The following ASTN1 variants were observed in gnomAD, a reference collection of about 807,000 sequenced individuals.
ASTN1 encodes astrotactin-1.
Under a neutral mutation model 140.7 loss-of-function variants are expected in ASTN1, and 41 were observed. The ratio of observed to expected loss-of-function variants is 0.29; its 90% CI spans 0.23 to 0.38. The LOEUF is 0.38. ASTN1 is among the 10% of genes least tolerant of loss of function. ASTN1 has a pLI of 1.00. For missense variants in ASTN1, 1,479 were observed against 1,678.8 expected (o/e 0.88, Z 2.08); for synonymous variants, 640 against 652.2 (o/e 0.98, Z 0.29).
chr1:176,953,578 A>C (rs1672282182), intron 11 of ASTN1, among the ~76,000 whole-genome samples: 1 of 152,198 alleles, frequency 6.6e-6, no homozygotes, highest in Admixed American at 6.5e-5. Context: ...TTTCTCTGGA[A>C]GCCTCTGAGG....
chr1:176,975,125 G>T (rs1176551239), intron 8 of ASTN1, among the ~76,000 whole-genome samples: 2 of 152,226 alleles, frequency 1.3e-5, no homozygotes, highest in East Asian at 3.8e-4. Flanking sequence ...ATCAAGAATT[G>T]TATAAGGCAA....
At chr1:176,938,961 A>C (rs1440949290) in intron 14 of ASTN1, among the ~76,000 whole-genome samples, 2 of 151,932 alleles carry the variant, frequency 1.3e-5, no homozygotes, top group South Asian at 4.2e-4. Flanking sequence ...TTAAAAAAAA[A>C]CAAAAAACAA....
intron 19 of ASTN1, among the ~76,000 whole-genome samples, chr1:176,883,704 T>C (rs1462680587): frequency 6.6e-6 from 1 of 152,180 alleles, no homozygotes; most frequent in Non-Finnish European, 1.5e-5. Flanking sequence ...ATTAGATTGT[T>C]GGTGCCATCA....
chr1:176,858,109 A>G (rs1218232333), downstream of ASTN1, among the ~76,000 whole-genome samples: 1 of 152,182 alleles, frequency 6.6e-6, no homozygotes, highest in Non-Finnish European at 1.5e-5. Context: ...CATATCATAG[A>G]CTCTAACAAA....
intron 16 of ASTN1, among the ~76,000 whole-genome samples, chr1:176,899,893 T>A (rs1465442751): frequency 6.6e-6 from 1 of 152,194 alleles, no homozygotes; most frequent in Non-Finnish European, 1.5e-5. Context: ...AATGGATTAA[T>A]AATTAGGGAA....
rs558881360 is a variant in ASTN1, at chr1:177,151,180, T to C, written c.283+13214A>G. On this transcript the variant is annotated intron_variant, in intron 1 of 22. Coordinates refer to ENST00000361833, the MANE Select transcript of ASTN1 (RefSeq NM_004319.3). ...GGTGTTTCCTGGAAGGAGAGTGAAA[T>C]TGTATGGGCCTAGAAGAATGATTTT... Among the ~76,000 whole-genome samples, 77 of 152,114 alleles carry C rather than the reference T, an allele frequency of 5.1e-4. 1 individual carries two copies. The South Asian group carries it at 0.012, about 25-fold the overall frequency.
intron 21 of ASTN1, among the ~76,000 whole-genome samples, chr1:176,869,773 T>C (rs1459562755): frequency 6.6e-6 from 1 of 152,154 alleles, no homozygotes; most frequent in Non-Finnish European, 1.5e-5. Flanking sequence ...AATACCAGGG[T>C]TCCTGCCAAA....
At position 176,861,892 on chromosome 1, in the gene ASTN1, A is replaced by T. The variant is rs949039446; in HGVS notation, c.*2392T>A. The T allele has an allele frequency of 5.1e-6, 5 of 985,238 alleles. No homozygotes were observed. In the African/African-American group the frequency reaches 7.0e-5, roughly 14 times the overall value. 61.0% of individuals were successfully genotyped at this position (985,238 alleles called of 1,614,324 possible). A position where few individuals can be genotyped will look rare whatever the true frequency, so the allele number is the denominator to read the frequency against. ...GATAGTGTGCCTAAAATAAAAACAG[A>T]AGGAGAGGGTACAGAGGAGTGACTC... On this transcript the variant is annotated 3_prime_UTR_variant, in exon 23 of 23. Transcript: ENST00000361833.
chr1:176,989,248 T>C (rs148590246), intron 8 of ASTN1, among the ~76,000 whole-genome samples: 46 of 152,328 alleles, frequency 3.0e-4, no homozygotes, highest in African/African-American at 1.1e-3. Flanking sequence ...GGATTTGTGA[T>C]AACTTGTGAC....
chr1:176,967,054 G>T (rs1009637239), intron 8 of ASTN1, among the ~76,000 whole-genome samples: 1 of 152,236 alleles, frequency 6.6e-6, no homozygotes, highest in African/African-American at 2.4e-5. Flanking sequence ...TTTATTTGTT[G>T]CTAGGGAAAG....
At chr1:176,951,255 C>G (rs760576109) in intron 11 of ASTN1, among the ~76,000 whole-genome samples, 1 of 152,238 alleles carries the variant, frequency 6.6e-6, no homozygotes, top group Non-Finnish European at 1.5e-5. Context: ...GATTGCCCCC[C>G]ATGTTTTGCT....
At chr1:177,027,121 C>T (rs1676157352) in intron 5 of ASTN1, among the ~76,000 whole-genome samples, 1 of 152,196 alleles carries the variant, frequency 6.6e-6, no homozygotes, top group Non-Finnish European at 1.5e-5. Context: ...CAGATTATTT[C>T]CTCCTCCACA....
chr1:176,876,377 T>C (rs1377712170), intron 21 of ASTN1, among the ~76,000 whole-genome samples, 160 bp downstream of exon 21: 4 of 152,166 alleles, frequency 2.6e-5, no homozygotes, highest in African/African-American at 9.7e-5. Context: ...CTGAGTATTA[T>C]TTCTGGAAAG....
intron 14 of ASTN1, among the ~76,000 whole-genome samples, chr1:176,937,755 T>C: frequency 6.6e-6 from 1 of 152,144 alleles, no homozygotes. Context: ...TAAATTTATA[T>C]ATATTATGCA....
At chr1:177,067,361 C>T (rs993762511) in intron 1 of ASTN1, among the ~76,000 whole-genome samples, 4 of 152,128 alleles carry the variant, frequency 2.6e-5, no homozygotes, top group African/African-American at 7.2e-5. Flanking sequence ...GAGCTCCGGA[C>T]TTTAGTAGTG....
intron 1 of ASTN1, among the ~76,000 whole-genome samples, chr1:177,063,125 A>C (rs917759072): frequency 2.6e-5 from 4 of 152,178 alleles, no homozygotes; most frequent in African/African-American, 9.7e-5. Context: ...AAAAGGAAGA[A>C]TATCAGCTGG....
At chr1:177,154,550 T>C (rs2102253420) in intron 1 of ASTN1, among the ~76,000 whole-genome samples, 1 of 152,214 alleles carries the variant, frequency 6.6e-6, no homozygotes, top group Non-Finnish European at 1.5e-5. Context: ...TATGAGTAGA[T>C]CTTAAAAATA....
chr1:176,933,940 C>T (rs946162828), intron 16 of ASTN1, among the ~76,000 whole-genome samples: 3 of 152,124 alleles, frequency 2.0e-5, no homozygotes, highest in Non-Finnish European at 4.4e-5. Context: ...CAGTGTTGAC[C>T]CCATTCTGCA....
chr1:177,008,567 G>C (rs1675118752), intron 8 of ASTN1, among the ~76,000 whole-genome samples: 1 of 149,976 alleles, frequency 6.7e-6, no homozygotes, highest in Non-Finnish European at 1.5e-5. Context: ...GCAAGAGAGG[G>C]AGGAAGAGAG....
Sources: gnomAD v4.1 joint callset for allele counts (sites outside exome capture counted in the v4.1 genomes callset) on GRCh38, gnomAD v4.1.1 for gene constraint, MANE v1.5 for transcripts, NCBI Gene and HGNC (gene_info 2026-07-23, HGNC 2026-07-21) for gene names.